The following HSD17B2 variants were observed in gnomAD, a reference collection of about 807,000 sequenced individuals.
The protein encoded by HSD17B2 is hydroxysteroid 17-beta dehydrogenase 2.
In HSD17B2, 32 loss-of-function variants were observed where a neutral mutation model predicts 26.9. The observed-to-expected ratio is 1.19, with a 90% CI of 0.90 to 1.60. The LOEUF (loss-of-function observed/expected upper bound fraction) is 1.60, where lower values mean the gene tolerates loss of function less well. Ranked by LOEUF, HSD17B2 falls within the 40% of genes most tolerant of loss-of-function variation. HSD17B2 has a pLI of 0.00. For missense variants in HSD17B2, 613 were observed against 468.6 expected (o/e 1.31, Z -2.85); for synonymous variants, 246 against 186.7 (o/e 1.32, Z -2.59).
intron 3 of HSD17B2, among the ~76,000 whole-genome samples, chr16:82,072,987 G>A (rs1175575066): frequency 6.6e-6 from 1 of 152,128 alleles, no homozygotes; most frequent in Non-Finnish European, 1.5e-5. Context: ...GTTGAGCCTG[G>A]GAGGTTAAGA....
In HSD17B2 at chr16:82,076,189, G is replaced by C. The variant is rs537900785; in HGVS notation, c.664+5062G>C. ...CTGATAAAATTCAACATCCCTTTAT[G>C]ATAAAAACCCTCAATTAAAAAAAAA... On this transcript the variant is annotated intron_variant, in intron 3 of 4. Coordinates refer to ENST00000199936, the MANE Select transcript of HSD17B2 (RefSeq NM_002153.3). Among the ~76,000 whole-genome samples, 7 of 152,050 alleles carry C rather than the reference G, an allele frequency of 4.6e-5. 1 individual carries two copies. The highest frequency in any genetic ancestry group is 1.7e-4 in the African/African-American group (7 of 41,492).
intron 3 of HSD17B2, among the ~76,000 whole-genome samples, chr16:82,087,794 T>C (rs1345359330): frequency 6.6e-6 from 1 of 152,050 alleles, no homozygotes; most frequent in Non-Finnish European, 1.5e-5. Context: ...GTCTTCTTGC[T>C]GTGCTGTTCC....
intron 1 of HSD17B2, among the ~76,000 whole-genome samples, chr16:82,039,290 C>A (rs1913704189): frequency 6.6e-6 from 1 of 151,688 alleles, no homozygotes. Context: ...CACACACACA[C>A]CCCTGCATAT....
chr16:82,056,488 T>G (rs1914273386), intron 1 of HSD17B2: 1 of 152,170 alleles, frequency 6.6e-6, no homozygotes, highest in Non-Finnish European at 1.5e-5. Context: ...CGATACCTAT[T>G]TCCATCTATT....
chr16:82,067,200 C>T (rs1914591751), intron 1 of HSD17B2, among the ~76,000 whole-genome samples: 1 of 152,170 alleles, frequency 6.6e-6, no homozygotes, highest in Admixed American at 6.5e-5. Context: ...TTTCCCAATT[C>T]TTGGCGGGCA....
rs1485971633 is a variant in HSD17B2, at chr16:82,035,516, C to T, written c.92C>T (p.Ser31Leu). The T allele has an allele frequency of 1.2e-5, 19 of 1,614,142 alleles. No individual in the cohort carries two copies. The highest frequency in any genetic ancestry group is 1.6e-5 in the Non-Finnish European group (19 of 1,180,020). ...GTATTTTGCAAATACAAGAAGAGCT[C>T]AGGGCAGCTGTGGAGCTGGATGGTC... ...GTVFCKYKKS[S>L]GQLWSWMVCL... Residue 31 changes from serine to leucine, a missense_variant, in exon 1 of 5, where the codon TCA becomes TTA. By Grantham distance (145) the Ser-to-Leu change is moderately radical. Transcript: ENST00000199936.
chr16:82,084,937 C>T (rs775865205), intron 3 of HSD17B2, among the ~76,000 whole-genome samples: 12 of 152,276 alleles, frequency 7.9e-5, no homozygotes, highest in East Asian at 5.8e-4. Context: ...TTGCCTAGGA[C>T]GGTCTTGAAC....
chr16:82,067,167 T>C (rs1176729671), intron 1 of HSD17B2, among the ~76,000 whole-genome samples: 4 of 152,240 alleles, frequency 2.6e-5, no homozygotes, highest in African/African-American at 9.7e-5. Context: ...GTTGATTCTC[T>C]GCATGTACTC....
chr16:82,040,812 G>C (rs1455586145), intron 1 of HSD17B2, among the ~76,000 whole-genome samples: 1 of 152,182 alleles, frequency 6.6e-6, no homozygotes, highest in East Asian at 1.9e-4. Flanking sequence ...GTGAAGGGTA[G>C]TTCAAGTGAA....
intron 1 of HSD17B2, among the ~76,000 whole-genome samples, chr16:82,038,382 A>T (rs543923792): frequency 6.6e-6 from 1 of 152,108 alleles, no homozygotes; most frequent in South Asian, 2.1e-4. Context: ...TGGGGTCTCA[A>T]TCTGTTGCCC....
chr16:82,066,704 C>T (rs562505159), intron 1 of HSD17B2, among the ~76,000 whole-genome samples: 2 of 144,972 alleles, frequency 1.4e-5, no homozygotes, highest in African/African-American at 2.9e-5. Context: ...ATCAACTCTC[C>T]TTCTTTTTTG....
chr16:82,047,236 A>C (rs1913959997), intron 1 of HSD17B2, among the ~76,000 whole-genome samples: 1 of 152,184 alleles, frequency 6.6e-6, no homozygotes, highest in Admixed American at 6.5e-5. Flanking sequence ...ATTCCCAGTC[A>C]TGCCCGGGGT....
intron 3 of HSD17B2, among the ~76,000 whole-genome samples, chr16:82,090,476 G>T (rs555883572): frequency 6.6e-6 from 1 of 151,796 alleles, no homozygotes; most frequent in Admixed American, 6.6e-5. Context: ...GCGCCACCAC[G>T]CCTGGCTAAT....
chr16:82,063,133 G>C (rs1914487283), intron 1 of HSD17B2: 1 of 152,146 alleles, frequency 6.6e-6, no homozygotes, highest in Non-Finnish European at 1.5e-5. Context: ...GGTTATATGT[G>C]ACTTTCCCAA....
intron 1 of HSD17B2, among the ~76,000 whole-genome samples, chr16:82,060,087 A>T (rs1340616317): frequency 3.3e-5 from 5 of 152,204 alleles, no homozygotes; most frequent in African/African-American, 4.8e-5. Flanking sequence ...TAAGTATGCT[A>T]GAGTTTTGTT....
Position 82,064,895 on chromosome 16 carries a change from C to T in HSD17B2, c.266-3275C>T, listed in dbSNP as rs905485625. ...GCATGAAGGAAGACAGCCACCCAGT[C>T]CCCCCATTTGCTATTGAGTTTAATG... On this transcript the variant is annotated intron_variant, in intron 1 of 4. Transcript: ENST00000199936. Among the ~76,000 whole-genome samples, 14 of 152,296 alleles carry T rather than the reference C, an allele frequency of 9.2e-5. 1 individual carries two copies. The highest frequency in any genetic ancestry group is 4.6e-4 in the Admixed American group (7 of 15,306).
At chr16:82,066,724 T>A (rs1270659411) in intron 1 of HSD17B2, among the ~76,000 whole-genome samples, 2 of 152,116 alleles carry the variant, frequency 1.3e-5, no homozygotes, top group African/African-American at 4.8e-5. Context: ...GCATTAAAAT[T>A]GGATTTTATT....
intron 3 of HSD17B2, among the ~76,000 whole-genome samples, chr16:82,089,835 C>A (rs1310920272): frequency 6.6e-6 from 1 of 152,112 alleles, no homozygotes. Context: ...AGATTTAGGG[C>A]CCATCCTAAT....
intron 1 of HSD17B2, among the ~76,000 whole-genome samples, chr16:82,067,554 A>G (rs776696148): frequency 5.3e-5 from 8 of 152,298 alleles, no homozygotes; most frequent in South Asian, 4.1e-4. Context: ...AGGGCTTTCT[A>G]TCTGGTTTCT....
Sources: gnomAD v4.1 joint callset for allele counts (sites outside exome capture counted in the v4.1 genomes callset) on GRCh38, gnomAD v4.1.1 for gene constraint, MANE v1.5 for transcripts, NCBI Gene and HGNC (gene_info 2026-07-23, HGNC 2026-07-21) for gene names.